The following PRKCQ variants were observed in gnomAD, a reference collection of about 807,000 sequenced individuals.
PRKCQ encodes the protein protein kinase C theta type.
Under a neutral mutation model 91.2 loss-of-function variants are expected in PRKCQ, and 41 were observed. The observed-to-expected ratio is 0.45, with a 90% CI of 0.35 to 0.58. The LOEUF (loss-of-function observed/expected upper bound fraction) is 0.58. Among genes scored for constraint, PRKCQ ranks in the 20% least tolerant of loss-of-function variants. PRKCQ has a pLI of 0.00. For missense variants in PRKCQ, 673 were observed against 896.5 expected, an observed-to-expected ratio of 0.75 and a Z score of 3.18; for synonymous variants, 307 against 316.9, an observed-to-expected ratio of 0.97 and a Z score of 0.33.
chr10:6,428,565 A>G (rs1244182954), intron 17 of PRKCQ, among the ~76,000 whole-genome samples: 1 of 152,190 alleles, frequency 6.6e-6, no homozygotes, highest in African/African-American at 2.4e-5. Flanking sequence ...GCTTAATAAT[A>G]ATATAAATTC....
chr10:6,437,886 C>T (rs138800019), intron 16 of PRKCQ, among the ~76,000 whole-genome samples: 2,990 of 152,270 alleles, frequency 0.02, 80 homozygotes, highest in African/African-American at 0.054. Context: ...ATCTCCTGAC[C>T]TCATGACCCG....
intron 14 of PRKCQ, among the ~76,000 whole-genome samples, chr10:6,460,380 C>T (rs1463689115): frequency 1.3e-5 from 2 of 151,744 alleles, no homozygotes; most frequent in African/African-American, 4.8e-5. Flanking sequence ...AAATAAAATG[C>T]CCCGAGGCAT....
At chr10:6,564,421 A>G (rs1461838221) in intron 1 of PRKCQ, among the ~76,000 whole-genome samples, 3 of 152,046 alleles carry the variant, frequency 2.0e-5, no homozygotes, top group Admixed American at 2.0e-4. Context: ...ATGCCACTGT[A>G]CTGCTCGCCC....
the PRKCQ span, among the ~76,000 whole-genome samples, chr10:6,404,885 CTTT>C: frequency 7.3e-6 from 1 of 137,640 alleles, no homozygotes. Flanking sequence ...TTCCTTTTTT[CTTT>C]CTTTCTCTCT....
intron 16 of PRKCQ, among the ~76,000 whole-genome samples, 199 bp from the exon 17 acceptor site, chr10:6,431,137 C>T (rs965442239): frequency 2.0e-5 from 3 of 152,158 alleles, no homozygotes; most frequent in African/African-American, 7.2e-5. Context: ...GAGTCTGACA[C>T]GTTATCTTCT....
At chr10:6,396,246 G>T in the PRKCQ span, among the ~76,000 whole-genome samples, 1 of 152,132 alleles carries the variant, frequency 6.6e-6, no homozygotes, top group Non-Finnish European at 1.5e-5. Context: ...GCCCTCAAGA[G>T]TTGATGTTTT....
rs145130919 is a variant in PRKCQ, at chr10:6,506,404, ATTATT to A, written c.379+1027_379+1031del. Among the ~76,000 whole-genome samples the A allele has an allele frequency of 7.2e-3, 1,090 of 152,334 alleles. 16 individuals carry two copies. Among genetic ancestry groups the A allele is most frequent in the African/African-American group, 0.025 (1,039 of 41,576 alleles). On this transcript the variant is annotated intron_variant, in intron 4 of 17. Transcript: ENST00000263125. ...TTTTGAAGCAAAACTATGGTATCAT[ATTATT>A]TTATCTAAAATATTTCAGCTATTCA...
chr10:6,494,720 T>C (rs549600247), intron 7 of PRKCQ, among the ~76,000 whole-genome samples: 1 of 152,330 alleles, frequency 6.6e-6, no homozygotes, highest in East Asian at 1.9e-4. Flanking sequence ...TTAGATTCCT[T>C]TGTAGTCAGT....
chr10:6,454,255 A>C (rs545085981), intron 15 of PRKCQ, among the ~76,000 whole-genome samples: 41 of 152,302 alleles, frequency 2.7e-4, no homozygotes, highest in African/African-American at 9.6e-4. Flanking sequence ...AAAGGCATGA[A>C]GATATGTAAA....
chr10:6,459,226 C>T (rs7099451), intron 14 of PRKCQ, among the ~76,000 whole-genome samples: 31,596 of 152,138 alleles, frequency 0.21, 3,950 homozygotes, highest in Non-Finnish European at 0.27. Flanking sequence ...TTCCTTTCAG[C>T]TCTTGCACTT....
intron 15 of PRKCQ, among the ~76,000 whole-genome samples, chr10:6,444,245 AT>A (rs1834121437): frequency 6.6e-6 from 1 of 151,914 alleles, no homozygotes; most frequent in African/African-American, 2.4e-5. Flanking sequence ...TAATTTTTGT[AT>A]TTTTGGTAGA....
intron 1 of PRKCQ, among the ~76,000 whole-genome samples, chr10:6,523,394 T>C (rs1839088411): frequency 6.6e-6 from 1 of 152,182 alleles, no homozygotes; most frequent in Non-Finnish European, 1.5e-5. Context: ...GAGGCTGCAG[T>C]GAGCTGTGAT....
chr10:6,400,436 A>G, the PRKCQ span, among the ~76,000 whole-genome samples: 54 of 152,318 alleles, frequency 3.5e-4, no homozygotes, highest in African/African-American at 1.2e-3. Flanking sequence ...CTGTGTTGTT[A>G]TGCAGGTGAG....
At chr10:6,469,438 C>A (rs953748816) in intron 12 of PRKCQ, among the ~76,000 whole-genome samples, 2 of 152,112 alleles carry the variant, frequency 1.3e-5, no homozygotes, top group Non-Finnish European at 2.9e-5. Context: ...AGTTTAGGAA[C>A]AGAGACGACC....
chr10:6,438,305 C>A (rs968251204), intron 16 of PRKCQ, among the ~76,000 whole-genome samples: 5 of 152,186 alleles, frequency 3.3e-5, no homozygotes, highest in African/African-American at 1.2e-4. Flanking sequence ...GAAGTGTATT[C>A]CCTTTACATT....
chr10:6,403,531 G>A, the PRKCQ span, among the ~76,000 whole-genome samples: 18 of 152,204 alleles, frequency 1.2e-4, no homozygotes, highest in African/African-American at 3.1e-4. Flanking sequence ...GGTTTCTGCC[G>A]ACTTTGGTGG....
At chr10:6,515,219 A>G (rs1564367822) in intron 1 of PRKCQ, 75 bp from the exon 2 acceptor site, 1 of 1,598,092 alleles carries the variant, frequency 6.3e-7, no homozygotes, top group Non-Finnish European at 8.5e-7. Context: ...TGTCTACTTA[A>G]CCAGTGCTTT....
At chr10:6,503,410 T>C (rs955978424) in intron 4 of PRKCQ, among the ~76,000 whole-genome samples, 8 of 152,020 alleles carry the variant, frequency 5.3e-5, no homozygotes, top group Non-Finnish European at 8.8e-5. Context: ...TGAGATGACA[T>C]TGGGGAATTC....
chr10:6,455,041 G>A (rs1834934858), intron 15 of PRKCQ, among the ~76,000 whole-genome samples: 1 of 152,214 alleles, frequency 6.6e-6, no homozygotes. Context: ...GTGTTGCAAG[G>A]TGAAGAGGAA....
Sources: allele counts gnomAD v4.1 joint callset (sites outside exome capture counted in the v4.1 genomes callset), GRCh38; gene constraint gnomAD v4.1.1; transcripts MANE v1.5; gene names NCBI Gene and HGNC (gene_info 2026-07-23, HGNC 2026-07-21).